The following NGLY1 variants were observed in gnomAD, a reference collection of about 807,000 sequenced individuals.
NGLY1 encodes the protein N-glycanase 1, also known as peptide-N(4)-(N-acetyl-beta-glucosaminyl)asparagine amidase.
A neutral mutation model predicts 84.6 loss-of-function variants in NGLY1; 68 were observed. The observed-to-expected ratio is 0.80, with a 90% CI of 0.66 to 0.98. The LOEUF (loss-of-function observed/expected upper bound fraction) is 0.98, where lower values mean the gene tolerates loss of function less well. NGLY1 is among the 50% of genes least tolerant of loss of function. The pLI is 0.00. For missense variants in NGLY1, 779 were observed against 770.2 expected (o/e 1.01, Z -0.14); for synonymous variants, 280 against 275.2 (o/e 1.02, Z -0.17).
chr3:25,742,522 A>T (rs910228280), intron 4 of NGLY1, among the ~76,000 whole-genome samples: 1 of 152,232 alleles, frequency 6.6e-6, no homozygotes, highest in Non-Finnish European at 1.5e-5. Context: ...ACAAGACATG[A>T]AAAAGAACAG....
intron 3 of NGLY1, chr3:25,755,491 C>T (rs573859874): frequency 2.7e-6 from 4 of 1,459,882 alleles, no homozygotes; most frequent in African/African-American, 2.8e-5. Flanking sequence ...ATTCCACCTT[C>T]TCGGTCCACA....
chr3:25,788,475 A>G (rs774604091), intron 1 of NGLY1, among the ~76,000 whole-genome samples: 4 of 152,214 alleles, frequency 2.6e-5, no homozygotes, highest in Non-Finnish European at 4.4e-5. Flanking sequence ...AAATATCATA[A>G]AATTTCCCAC....
intron 1 of NGLY1, among the ~76,000 whole-genome samples, chr3:25,779,475 A>G (rs915286233): frequency 2.6e-5 from 4 of 152,216 alleles, no homozygotes; most frequent in Non-Finnish European, 4.4e-5. Flanking sequence ...GTTTAGGATG[A>G]TAAGTTTCAT....
intron 10 of NGLY1, among the ~76,000 whole-genome samples, chr3:25,728,343 A>G (rs933438035): frequency 5.3e-5 from 8 of 152,182 alleles, no homozygotes; most frequent in African/African-American, 1.4e-4. Flanking sequence ...TCTATCCAAT[A>G]TATTTTACAA....
Position 25,749,665 on chromosome 3 carries a change from T to C in NGLY1, c.658+1433A>G, listed in dbSNP as rs915102206. ...GCCAGATCTTGATGCCCAACATTAG[T>C]TATGGGAGCAACAAAAAAACAAAGC... On this transcript the variant is annotated intron_variant, in intron 4 of 11. Coordinates refer to ENST00000280700, the MANE Select transcript of NGLY1 (RefSeq NM_018297.4). The C allele has an allele frequency of 6.6e-6, 10 of 1,520,082 alleles. No individual in the cohort carries two copies. The African/African-American group carries it at 1.4e-4, about 21-fold the overall frequency. 94.2% of individuals were successfully genotyped at this position (1,520,082 alleles called of 1,614,324 possible). A position where few individuals can be genotyped will look rare whatever the true frequency, so the allele number is the denominator to read the frequency against.
At position 25,778,647 on chromosome 3, in the gene NGLY1, T is replaced by C. The variant is rs372486759; in HGVS notation, c.173A>G (p.Asn58Ser). Residue 58 changes from asparagine to serine, a missense_variant, in exon 2 of 12, where the codon AAC (asparagine) becomes AGC (serine). Physicochemically the swap from Asn to Ser is conservative, Grantham distance 46. Transcript: ENST00000280700. Reference protein sequence around the residue: ...DEKYRSIRIGNTAFSTRLLPV... With the variant: ...DEKYRSIRIGSTAFSTRLLPV... The stretch of plus-strand genomic sequence containing the variant: ...CAAGAGTCTAGTAGAAAAGGCTGTG[T>C]TTCCAATCCGGATGGATCTATATTT... 22 of 1,612,926 alleles carry C rather than the reference T, an allele frequency of 1.4e-5. No homozygotes were observed. The highest frequency in any genetic ancestry group is 3.4e-6 in the Non-Finnish European group (4 of 1,179,498).
chr3:25,759,503 T>C (rs1453611376), intron 3 of NGLY1, among the ~76,000 whole-genome samples: 1 of 152,210 alleles, frequency 6.6e-6, no homozygotes, highest in Non-Finnish European at 1.5e-5. Context: ...ACCTCATTCA[T>C]TGTAGTTTTA....
intron 3 of NGLY1, among the ~76,000 whole-genome samples, chr3:25,760,838 C>A (rs1707283737): frequency 2.7e-5 from 2 of 74,074 alleles, no homozygotes; most frequent in Non-Finnish European, 5.6e-5. Context: ...CCAGCCTGGG[C>A]AACAAGAGTG....
At chr3:25,785,874 T>A (rs1245329995), upstream of NGLY1, among the ~76,000 whole-genome samples, 2 of 152,196 alleles carry the variant, frequency 1.3e-5, no homozygotes, top group Non-Finnish European at 2.9e-5. Context: ...ATAGTTTGTT[T>A]CCTCAACTAA....
chr3:25,789,850 G>C, intron 1 of NGLY1: 1 of 1,551,750 alleles, frequency 6.4e-7, no homozygotes, highest in African/African-American at 1.4e-5. Flanking sequence ...TTTGATGGGT[G>C]AAAATGCTAC....
chr3:25,777,558 C>T (rs13092322), intron 2 of NGLY1: 6,889 of 152,294 alleles, frequency 0.045, 248 homozygotes, highest in African/African-American at 0.1. Flanking sequence ...ATCCTTTACA[C>T]ACATTAATCC....
intron 3 of NGLY1, among the ~76,000 whole-genome samples, chr3:25,761,105 T>C (rs552994163): frequency 6.6e-6 from 1 of 152,296 alleles, no homozygotes; most frequent in South Asian, 2.1e-4. Flanking sequence ...CATACCCATA[T>C]ATAAACTGGC....
chr3:25,789,841 T>G, intron 1 of NGLY1: 1 of 1,551,718 alleles, frequency 6.4e-7, no homozygotes, highest in Non-Finnish European at 8.7e-7. Flanking sequence ...AAATGCCTTT[T>G]TGATGGGTGA....
At chr3:25,726,266 C>T (rs1705256992) in intron 10 of NGLY1, among the ~76,000 whole-genome samples, 1 of 152,156 alleles carries the variant, frequency 6.6e-6, no homozygotes, top group Non-Finnish European at 1.5e-5. Context: ...TAAACACTTA[C>T]TATGTATCGG....
chr3:25,755,175 C>G (rs1402892479), intron 3 of NGLY1: 2 of 1,282,338 alleles, frequency 1.6e-6, no homozygotes, highest in Non-Finnish European at 2.3e-6. Context: ...CTTTTTACCT[C>G]TCTTCCCCCA....
chr3:25,771,025 T>C (rs761046938), intron 2 of NGLY1, among the ~76,000 whole-genome samples: 34 of 152,240 alleles, frequency 2.2e-4, no homozygotes, highest in Non-Finnish European at 3.8e-4. Flanking sequence ...ATTATTTCTT[T>C]TGCTGTGCAG....
At position 25,783,013 on chromosome 3, in the gene NGLY1, C is replaced by A. The variant is rs1708490238; in HGVS notation, c.131+247G>T. ...GGGACTCCAGTTCACCCGCAGCACC[C>A]TGACTGCAGGTGCCAAGTCACAACT... On this transcript the variant is annotated intron_variant, in intron 1 of 11. Coordinates refer to ENST00000280700, the MANE Select transcript of NGLY1 (RefSeq NM_018297.4). This position sits in a 1 kb window ranked among gnomAD's most constrained non-coding sequence, Gnocchi z 4.5. 3 of 457,408 alleles carry A rather than the reference C, an allele frequency of 6.6e-6. No homozygotes were observed. Among genetic ancestry groups the A allele is most frequent in the South Asian group, 5.2e-5 (2 of 38,344 alleles). The allele number at this position is 457,408 out of a possible 1,614,324, so 28.3% of individuals were successfully genotyped here. A position where few individuals can be genotyped will look rare whatever the true frequency, so the allele number is the denominator to read the frequency against.
rs1402918865 is a variant in NGLY1, at chr3:25,748,450, T to C, written c.658+2648A>G. Among the ~76,000 whole-genome samples, 4 of 152,198 alleles carry C rather than the reference T, an allele frequency of 2.6e-5. No homozygotes were observed. In the East Asian group the frequency reaches 7.7e-4, roughly 29 times the overall value. On this transcript the variant is annotated intron_variant, in intron 4 of 11. Transcript: ENST00000280700. Reference sequence around the variant, plus strand: ...AAGCAAACAAGAAAACAACTCTAGTTAGATTAATTCCTAGCTAGATTAGCA... The same window carrying C: ...AAGCAAACAAGAAAACAACTCTAGTCAGATTAATTCCTAGCTAGATTAGCA...
intron 3 of NGLY1, among the ~76,000 whole-genome samples, chr3:25,762,065 T>C (rs1009988185): frequency 6.6e-6 from 1 of 152,198 alleles, no homozygotes; most frequent in Non-Finnish European, 1.5e-5. Context: ...TTCCAGTATT[T>C]TGTATCTTAA....
Sources: allele counts gnomAD v4.1 joint callset (sites outside exome capture counted in the v4.1 genomes callset), GRCh38; gene constraint gnomAD v4.1.1; non-coding constraint Gnocchi (gnomAD v3.1); transcripts MANE v1.5; gene names NCBI Gene and HGNC (gene_info 2026-07-23, HGNC 2026-07-21).